Variants in NHSL1 observed in about 807,000 individuals in gnomAD.
NHSL1 encodes the protein NHS-like protein 1.
NHSL1 carries 48 observed loss-of-function variants against 95.0 expected under a neutral mutation model. The ratio of observed to expected loss-of-function variants is 0.51; its 90% CI spans 0.40 to 0.64. NHSL1 has a LOEUF of 0.64. Among genes scored for constraint, NHSL1 ranks in the 30% least tolerant of loss-of-function variants. NHSL1 has a pLI of 0.00. For missense variants in NHSL1, 1,971 were observed against 2,077.7 expected (o/e 0.95, Z 1.00); for synonymous variants, 783 against 833.9 (o/e 0.94, Z 1.05).
intron 1 of NHSL1, among the ~76,000 whole-genome samples, chr6:138,592,734 G>C (rs1297144878): frequency 1.3e-5 from 2 of 152,212 alleles, no homozygotes. Context: ...ATATATTTTA[G>C]TGGGCTGGTC....
At chr6:138,439,498 A>G (rs2128212046) in intron 5 of NHSL1, among the ~76,000 whole-genome samples, 1 of 152,348 alleles carries the variant, frequency 6.6e-6, no homozygotes, top group Admixed American at 6.5e-5. Context: ...CTGGGAAAAA[A>G]GGCAAGATCA....
chr6:138,455,570 CT>C (rs1777556357), intron 3 of NHSL1, among the ~76,000 whole-genome samples: 1 of 151,526 alleles, frequency 6.6e-6, no homozygotes, highest in African/African-American at 2.4e-5. Flanking sequence ...CCTTCGCATG[CT>C]TCCTGGTGCT....
intron 1 of NHSL1, among the ~76,000 whole-genome samples, chr6:138,530,066 T>C (rs921835978): frequency 6.6e-6 from 1 of 152,232 alleles, no homozygotes; most frequent in Non-Finnish European, 1.5e-5. Flanking sequence ...ATGGTCTGAA[T>C]GTTTGTCTCC....
intron 1 of NHSL1, among the ~76,000 whole-genome samples, chr6:138,579,634 A>C (rs1784023151): frequency 6.6e-6 from 1 of 152,246 alleles, no homozygotes; most frequent in Admixed American, 6.5e-5. Flanking sequence ...ACAGTGAGCC[A>C]AATCAAAAAG....
chr6:138,572,515 C>G (rs1409141666), exon 1 of NHSL1: 1 of 152,438 alleles, frequency 6.6e-6, no homozygotes, highest in Non-Finnish European at 1.5e-5. Context: ...CGCCCACTTG[C>G]TCTCCTTCCC....
At chr6:138,464,170 G>A (rs964524690) in intron 3 of NHSL1, 19 of 659,616 alleles carry the variant, frequency 2.9e-5, no homozygotes, top group Non-Finnish European at 3.4e-5. Flanking sequence ...AAGCAGTACA[G>A]TTATACCTGG....
chr6:138,551,732 G>A (rs1383733537), intron 1 of NHSL1, among the ~76,000 whole-genome samples: 1 of 152,138 alleles, frequency 6.6e-6, no homozygotes, highest in Non-Finnish European at 1.5e-5. Context: ...TGGCTCACCA[G>A]GGAAACTGAT....
chr6:138,604,815 G>A (rs964656683), intron 1 of NHSL1, among the ~76,000 whole-genome samples: 1 of 151,776 alleles, frequency 6.6e-6, no homozygotes, highest in African/African-American at 2.4e-5. Flanking sequence ...TAGTAGAGAC[G>A]GGGTTTCACC....
chr6:138,441,140 T>C (rs1009351722), intron 5 of NHSL1, among the ~76,000 whole-genome samples: 9 of 152,114 alleles, frequency 5.9e-5, no homozygotes, highest in Admixed American at 2.0e-4. Context: ...AATGAGGAAG[T>C]AGACTCAGAG....
At chr6:138,561,353 T>C (rs140810043) in intron 1 of NHSL1, among the ~76,000 whole-genome samples, 1 of 152,312 alleles carries the variant, frequency 6.6e-6, no homozygotes, top group African/African-American at 2.4e-5. Context: ...TGATGATCTC[T>C]TCTTTCCTTA....
At chr6:138,595,695 T>A (rs1784294075) in intron 1 of NHSL1, among the ~76,000 whole-genome samples, 1 of 152,332 alleles carries the variant, frequency 6.6e-6, no homozygotes, top group South Asian at 2.1e-4. Context: ...CTTTCTTGAA[T>A]TTTTTTAATC....
chr6:138,427,523 A>G (rs1357778754), intron 7 of NHSL1, among the ~76,000 whole-genome samples: 3 of 152,212 alleles, frequency 2.0e-5, no homozygotes, highest in African/African-American at 7.2e-5. Flanking sequence ...GCCCACTAAA[A>G]TAATTAAATC....
rs556094834 is a variant in NHSL1 at position 138,476,175 on chromosome 6, G to GA, written c.212-2743dup. 3.3e-3 allele frequency among the ~76,000 whole-genome samples: 501 copies of GA among 152,142 alleles called. 1 individual carries two copies. Among genetic ancestry groups the GA allele is most frequent in the African/African-American group, 0.012 (480 of 41,526 alleles). On this transcript the variant is annotated intron_variant, in intron 2 of 7. Transcript: ENST00000343505. ...ATCCAAAGGAAAAGACATCATTATA[G>GA]AAAAAAGATACCTGCACTCATATGT...
chr6:138,630,894 C>T (rs953278309), intron 1 of NHSL1, among the ~76,000 whole-genome samples: 50 of 152,168 alleles, frequency 3.3e-4, no homozygotes, highest in Non-Finnish European at 5.6e-4. Flanking sequence ...CAAGCAACTT[C>T]ATAAGAACCA....
At chr6:138,483,516 G>A (rs983536660) in intron 2 of NHSL1, among the ~76,000 whole-genome samples, 2 of 152,178 alleles carry the variant, frequency 1.3e-5, no homozygotes, top group African/African-American at 2.4e-5. Flanking sequence ...TAAAATGCTT[G>A]GAGGGTTCTT....
At chr6:138,502,531 T>G (rs1417217456), upstream of NHSL1, among the ~76,000 whole-genome samples, 1 of 151,820 alleles carries the variant, frequency 6.6e-6, no homozygotes, top group East Asian at 1.9e-4. Flanking sequence ...CCGGCTGTTC[T>G]CAAACTCCTG....
At chr6:138,490,639 TCTC>T (rs1006942216) in intron 2 of NHSL1, among the ~76,000 whole-genome samples, 1 of 151,716 alleles carries the variant, frequency 6.6e-6, no homozygotes, top group African/African-American at 2.4e-5. Context: ...GGTAAATCAT[TCTC>T]CTTTTTTTTT....
At chr6:138,448,033 C>T (rs899692776) in intron 3 of NHSL1, among the ~76,000 whole-genome samples, 26 of 152,306 alleles carry the variant, frequency 1.7e-4, no homozygotes, top group African/African-American at 3.1e-4. Context: ...TTAACTTATA[C>T]GGCACTGACT....
intron 1 of NHSL1, among the ~76,000 whole-genome samples, chr6:138,538,352 G>GC (rs1782444226): frequency 6.6e-6 from 1 of 152,088 alleles, no homozygotes; most frequent in African/African-American, 2.4e-5. Flanking sequence ...TAACACCAAG[G>GC]CATTTTCTGA....
Sources: gnomAD v4.1 joint callset for allele counts (sites outside exome capture counted in the v4.1 genomes callset) on GRCh38, gnomAD v4.1.1 for gene constraint, MANE v1.5 for transcripts, NCBI Gene and HGNC (gene_info 2026-07-23, HGNC 2026-07-21) for gene names.